SPEF2: variants seen among roughly 807,000 people sequenced by gnomAD.
The protein encoded by SPEF2 is sperm flagella and cilia-associated protein 2.
SPEF2 carries 187 observed loss-of-function variants against 224.6 expected under a neutral mutation model. The ratio of observed to expected loss-of-function variants is 0.83; its 90% confidence interval spans 0.74 to 0.94. The LOEUF (loss-of-function observed/expected upper bound fraction) is 0.94. Ranked by LOEUF, SPEF2 falls within the 40% of genes least tolerant of loss-of-function variation. The pLI is 0.00. For missense variants in SPEF2, 2,170 were observed against 2,135.6 expected, an observed-to-expected ratio of 1.02 and a Z score of -0.32; for synonymous variants, 715 against 707.3, an observed-to-expected ratio of 1.01 and a Z score of -0.17.
intron 1 of SPEF2, among the ~76,000 whole-genome samples, chr5:35,625,983 C>A (rs999188463): frequency 7.2e-5 from 11 of 152,326 alleles, no homozygotes; most frequent in African/African-American, 2.6e-4. Context: ...AGCCAATCTT[C>A]ATTTTAGTAG....
chr5:35,722,532 A>T (rs10058815), intron 20 of SPEF2, among the ~76,000 whole-genome samples: 1 of 139,826 alleles, frequency 7.2e-6, no homozygotes, highest in Non-Finnish European at 1.5e-5. Context: ...TGTGCACATT[A>T]TGCAGGTTAG....
chr5:35,648,035 A>G (rs1178769181), intron 5 of SPEF2, among the ~76,000 whole-genome samples: 1 of 152,196 alleles, frequency 6.6e-6, no homozygotes, highest in East Asian at 1.9e-4. Flanking sequence ...TTTATTGAAC[A>G]TGTGCTGTAT....
At chr5:35,756,530 G>A (rs1750472931) in intron 24 of SPEF2, among the ~76,000 whole-genome samples, 1 of 152,186 alleles carries the variant, frequency 6.6e-6, no homozygotes, top group Non-Finnish European at 1.5e-5. Flanking sequence ...AGCCCATCAA[G>A]TAACAGACTT....
chr5:35,654,058 C>T (rs763743087), intron 6 of SPEF2, among the ~76,000 whole-genome samples: 1 of 150,556 alleles, frequency 6.6e-6, no homozygotes, highest in African/African-American at 2.4e-5. Context: ...GTCAGGAGTT[C>T]GAGACAAGCC....
chr5:35,642,583 A>G (rs966801335), intron 3 of SPEF2, among the ~76,000 whole-genome samples: 1 of 152,196 alleles, frequency 6.6e-6, no homozygotes, highest in Non-Finnish European at 1.5e-5. Context: ...CAAATGTTGT[A>G]AGTACTCATT....
chr5:35,788,236 G>A (rs1170292786), intron 30 of SPEF2: 2 of 702,898 alleles, frequency 2.8e-6, no homozygotes, highest in African/African-American at 1.7e-5. Context: ...TAACCCTCGG[G>A]AGAGTAGAGA....
At chr5:35,787,249 A>C (rs1755277300) in intron 30 of SPEF2, among the ~76,000 whole-genome samples, 1 of 147,616 alleles carries the variant, frequency 6.8e-6, no homozygotes. Context: ...AGGATTTCAA[A>C]GCTTCACACC....
chr5:35,788,740 A>G (rs1755538824), intron 30 of SPEF2: 3 of 702,894 alleles, frequency 4.3e-6, no homozygotes, highest in Admixed American at 2.0e-5. Flanking sequence ...GAGAAATACA[A>G]CCATGTGTAC....
At chr5:35,702,309 G>T (rs1738802958) in intron 16 of SPEF2, 1 of 456,112 alleles carries the variant, frequency 2.2e-6, no homozygotes, top group African/African-American at 2.0e-5. Context: ...TCCTGCCAGG[G>T]CTGGGCTGAG....
chr5:35,655,600 G>T (rs139492400), intron 7 of SPEF2, among the ~76,000 whole-genome samples: 1 of 152,200 alleles, frequency 6.6e-6, no homozygotes, highest in Admixed American at 6.5e-5. Context: ...TAAAGAGTCA[G>T]GAGTTAGCTA....
At chr5:35,790,236 T>A in intron 30 of SPEF2, 1 of 675,654 alleles carries the variant, frequency 1.5e-6, no homozygotes, top group South Asian at 1.6e-5. Flanking sequence ...AATTATTCAG[T>A]TGAATTCTCC....
At chr5:35,697,658 C>A in intron 14 of SPEF2, 32 bp from the exon 15 acceptor site, 1 of 1,540,360 alleles carries the variant, frequency 6.5e-7, no homozygotes, top group South Asian at 1.2e-5. Context: ...TTAAATTAGC[C>A]ATCTTCTGTC....
At chr5:35,707,579 G>A (rs1740043481) in intron 18 of SPEF2, among the ~76,000 whole-genome samples, 1 of 152,156 alleles carries the variant, frequency 6.6e-6, no homozygotes, top group Non-Finnish European at 1.5e-5. Flanking sequence ...GTCGCCAGTG[G>A]TACATTGAGT....
chr5:35,790,039 G>A (rs955006802), intron 30 of SPEF2: 46 of 702,196 alleles, frequency 6.6e-5, no homozygotes, highest in Admixed American at 5.6e-4. Flanking sequence ...CAGAACATTC[G>A]AAAATTGACC....
intron 26 of SPEF2, among the ~76,000 whole-genome samples, chr5:35,767,836 T>G (rs1752290642): frequency 1.3e-5 from 2 of 152,100 alleles, no homozygotes; most frequent in African/African-American, 4.8e-5. Flanking sequence ...AAGGGGTTAG[T>G]GTGATGATCT....
intron 23 of SPEF2, among the ~76,000 whole-genome samples, chr5:35,746,177 T>G (rs1748496574): frequency 6.6e-6 from 1 of 152,134 alleles, no homozygotes; most frequent in Non-Finnish European, 1.5e-5. Context: ...GAACAAGAGC[T>G]TTCAGCCCTA....
intron 10 of SPEF2, chr5:35,671,120 G>A (rs1037453414): frequency 3.0e-5 from 30 of 985,292 alleles, no homozygotes; most frequent in Non-Finnish European, 3.5e-5. Context: ...CGGAAGGTCA[G>A]TAAGTGCAAC....
chr5:35,759,109 C>T (rs1213410522), intron 24 of SPEF2, among the ~76,000 whole-genome samples: 2 of 148,124 alleles, frequency 1.4e-5, no homozygotes, highest in Non-Finnish European at 3.0e-5. Flanking sequence ...AGAACCAGAA[C>T]CCAGTGTTTT....
rs778627112 is a variant in SPEF2, at chr5:35,763,641, A to T, written c.3740A>T (p.Glu1247Val). 5 of 1,613,928 alleles carry T rather than the reference A, an allele frequency of 3.1e-6. No individual in the cohort carries two copies. The South Asian group carries it at 5.5e-5, about 18-fold the overall frequency. Reference protein sequence around the residue: ...NSLENVESNFEADEKLVMDTW... With the variant: ...NSLENVESNFVADEKLVMDTW... ...CTAGAAAACGTTGAGTCCAACTTTG[A>T]GGCCGATGAAAAGTTGGTCATGGAC... The change falls in exon 26 of 37, where the codon GAG becomes GTG. Residue 1247 changes from glutamate (E) to valine (V), a missense_variant. By Grantham distance (121) the Glu-to-Val change is moderately radical. Transcript: ENST00000356031.
Sources: gnomAD v4.1 joint callset for allele counts (sites outside exome capture counted in the v4.1 genomes callset) on GRCh38, gnomAD v4.1.1 for gene constraint, MANE v1.5 for transcripts, NCBI Gene and HGNC (gene_info 2026-07-23, HGNC 2026-07-21) for gene names.